PLCB1: variants seen among roughly 807,000 people sequenced by gnomAD.
PLCB1 encodes the protein phospholipase C beta 1, also known as 1-phosphatidylinositol 4,5-bisphosphate phosphodiesterase beta-1.
Under a neutral mutation model 161.8 loss-of-function variants are expected in PLCB1, and 46 were observed. The ratio of observed to expected loss-of-function variants is 0.28; its 90% CI spans 0.22 to 0.36. PLCB1 has a LOEUF of 0.36. Ranked by LOEUF, PLCB1 falls within the 10% of genes least tolerant of loss-of-function variation. PLCB1 has a pLI of 1.00. For missense variants in PLCB1, 1,016 were observed against 1,472.5 expected, an observed-to-expected ratio of 0.69 and a Z score of 5.07; for synonymous variants, 517 against 503.7, an observed-to-expected ratio of 1.03 and a Z score of -0.35.
chr20:8,541,555 G>GAAGA (rs1296606576), intron 3 of PLCB1, among the ~76,000 whole-genome samples: 1 of 32,306 alleles, frequency 3.1e-5, no homozygotes, highest in African/African-American at 2.4e-4. Context: ...ATAATGAAAG[G>GAAGA]AAGAAAGAGA....
chr20:8,665,047 C>T lies in PLCB1; in HGVS notation c.862+6343C>T, dbSNP rs552584214. On this transcript the variant is annotated intron_variant, in intron 9 of 31. Transcript: ENST00000338037. ...TCAACTACCTAAAGCACAAACCACA[C>T]GGACCGACAATTGGAGAGAGATGGT... Among the ~76,000 whole-genome samples, 9 of 152,258 alleles carry T rather than the reference C, an allele frequency of 5.9e-5. No individual in the cohort carries two copies. In the East Asian group the frequency reaches 9.7e-4, roughly 16 times the overall value.
chr20:8,234,970 A>C (rs1255706783), intron 2 of PLCB1, among the ~76,000 whole-genome samples: 1 of 152,124 alleles, frequency 6.6e-6, no homozygotes, highest in East Asian at 1.9e-4. Context: ...TCAGAAACAC[A>C]TAGTGAATAT....
intron 4 of PLCB1, among the ~76,000 whole-genome samples, chr20:8,638,385 C>T (rs1204094706): frequency 6.6e-6 from 1 of 151,960 alleles, no homozygotes; most frequent in Admixed American, 6.6e-5. Context: ...AGAACTCTAT[C>T]ACAAGCAAGG....
At chr20:8,254,075 G>A (rs2205789) in intron 2 of PLCB1, among the ~76,000 whole-genome samples, 150,412 of 152,080 alleles carry the variant, frequency 0.99, 74,389 homozygotes, top group East Asian at 1. Context: ...TATATTGAAA[G>A]CATTTATACT....
At chr20:8,338,788 C>T (rs1985685345) in intron 2 of PLCB1, among the ~76,000 whole-genome samples, 1 of 152,156 alleles carries the variant, frequency 6.6e-6, no homozygotes, top group Non-Finnish European at 1.5e-5. Context: ...TGCCCTCTTC[C>T]AGTCAATACC....
chr20:8,152,401 C>T (rs183031827), intron 2 of PLCB1, among the ~76,000 whole-genome samples: 6 of 152,156 alleles, frequency 3.9e-5, no homozygotes, highest in Non-Finnish European at 5.9e-5. Context: ...AGGAGATGGA[C>T]GACTCCAAGT....
At chr20:8,746,571 C>T (rs1981183298) in intron 23 of PLCB1, among the ~76,000 whole-genome samples, 1 of 152,072 alleles carries the variant, frequency 6.6e-6, no homozygotes, top group South Asian at 2.1e-4. Flanking sequence ...GTCTTCAACT[C>T]CCAGCTCAAG....
At chr20:8,766,275 A>G (rs182356797) in intron 26 of PLCB1, among the ~76,000 whole-genome samples, 17 of 152,338 alleles carry the variant, frequency 1.1e-4, no homozygotes, top group Admixed American at 5.9e-4. Context: ...TCAGGCTGTG[A>G]TGAGGACTAT....
At chr20:8,443,213 C>T (rs6086454) in intron 3 of PLCB1, among the ~76,000 whole-genome samples, 3 of 152,040 alleles carry the variant, frequency 2.0e-5, no homozygotes, top group Non-Finnish European at 4.4e-5. Flanking sequence ...AACTCCTGAC[C>T]TCGTGATCTG....
intron 2 of PLCB1, among the ~76,000 whole-genome samples, chr20:8,201,043 CTA>C (rs1310804782): frequency 6.6e-6 from 1 of 152,040 alleles, no homozygotes; most frequent in African/African-American, 2.4e-5. Flanking sequence ...TATTTTGCAT[CTA>C]TATTTGTAAG....
intron 3 of PLCB1, among the ~76,000 whole-genome samples, chr20:8,580,231 G>T (rs1600167051): frequency 6.6e-6 from 1 of 152,214 alleles, no homozygotes; most frequent in South Asian, 2.1e-4. Flanking sequence ...CAAAAATACA[G>T]AAAATAAAAA....
Position 8,883,888 on chromosome 20 carries a change from A to G in PLCB1, c.*2039A>G, listed in dbSNP as rs538372277. 2 of 152,686 alleles carry G rather than the reference A, an allele frequency of 1.3e-5. No individual in the cohort carries two copies. Among genetic ancestry groups the G allele is most frequent in the East Asian group, 3.9e-4 (2 of 5,186 alleles). 9.5% of individuals were successfully genotyped at this position (152,686 alleles called of 1,614,324 possible). On this transcript the variant is annotated 3_prime_UTR_variant, in exon 32 of 32. Transcript: ENST00000338037. The stretch of plus-strand genomic sequence containing the variant: ...AAGGCGTTAATCATAAAGAAGCAAG[A>G]ATGGTCAAAATCGAATGCTGCATTT...
Position 8,635,750 on chromosome 20 carries a change from G to A in PLCB1, c.384+7319G>A, listed in dbSNP as rs532675109. On this transcript the variant is annotated intron_variant, in intron 4 of 31. Coordinates refer to ENST00000338037, the MANE Select transcript of PLCB1 (RefSeq NM_015192.4). ...TTTCTTTTAAGCAAAAGAAATTATA[G>A]TCTATGGGATAAAGGTGGGAAATAG... 7.2e-5 allele frequency among the ~76,000 whole-genome samples: 11 copies of A among 152,284 alleles called. No individual in the cohort carries two copies. The East Asian group carries it at 1.9e-3, about 27-fold the overall frequency.
At chr20:8,796,114 G>A (rs544744820) in intron 31 of PLCB1, among the ~76,000 whole-genome samples, 3 of 152,192 alleles carry the variant, frequency 2.0e-5, no homozygotes, top group African/African-American at 7.2e-5. Flanking sequence ...TTAGAACACA[G>A]GTTTTCTGCT....
chr20:8,662,513 T>A (rs988446827), intron 9 of PLCB1, among the ~76,000 whole-genome samples: 1 of 142,800 alleles, frequency 7.0e-6, no homozygotes, highest in East Asian at 2.0e-4. Context: ...ATGTATAATA[T>A]ATAATTTTTT....
At chr20:8,425,130 G>GT (rs10629165) in intron 3 of PLCB1, among the ~76,000 whole-genome samples, 3,556 of 140,468 alleles carry the variant, frequency 0.025, 61 homozygotes, top group Middle Eastern at 0.045. Context: ...ATTCTGAGGT[G>GT]TTTTTTTTTT....
intron 3 of PLCB1, among the ~76,000 whole-genome samples, chr20:8,543,485 T>C (rs1011366491): frequency 4.6e-5 from 7 of 152,072 alleles, no homozygotes; most frequent in Admixed American, 4.6e-4. Flanking sequence ...CACAAGAAAC[T>C]TTTAAGGGTA....
intron 2 of PLCB1, among the ~76,000 whole-genome samples, chr20:8,276,986 C>CTTATTATTATTATTATTATTA (rs59903648): frequency 4.3e-5 from 4 of 93,346 alleles, no homozygotes; most frequent in South Asian, 4.5e-4. Flanking sequence ...TCTTCTTCTT[C>CTTATTATTATTATTATTATTA]TTATTATTAT....
intron 9 of PLCB1, among the ~76,000 whole-genome samples, chr20:8,681,656 T>C (rs1434985679): frequency 2.0e-5 from 3 of 152,200 alleles, no homozygotes; most frequent in African/African-American, 7.2e-5. Context: ...AGCAGTTACA[T>C]TACTTTCCTT....
Sources: allele counts gnomAD v4.1 joint callset (sites outside exome capture counted in the v4.1 genomes callset), GRCh38; gene constraint gnomAD v4.1.1; transcripts MANE v1.5; gene names NCBI Gene and HGNC (gene_info 2026-07-23, HGNC 2026-07-21).